USO1: variants seen among roughly 807,000 people sequenced by gnomAD.
The protein encoded by USO1 is USO1 vesicle transport factor.
A neutral mutation model predicts 124.5 loss-of-function variants in USO1; 57 were observed. That is an observed-to-expected ratio of 0.46 (90% CI 0.37 to 0.57). The LOEUF (loss-of-function observed/expected upper bound fraction) is 0.57, where lower values mean the gene tolerates loss of function less well. Among genes scored for constraint, USO1 ranks in the 20% least tolerant of loss-of-function variants. The pLI is 0.00. For missense variants in USO1, 900 were observed against 1,040.6 expected, an observed-to-expected ratio of 0.86 and a Z score of 1.86; for synonymous variants, 369 against 362.8, an observed-to-expected ratio of 1.02 and a Z score of -0.19.
intron 1 of USO1, among the ~76,000 whole-genome samples, chr4:75,736,913 A>G (rs1182258048): frequency 6.6e-6 from 1 of 152,148 alleles, no homozygotes; most frequent in Admixed American, 6.6e-5. Context: ...ACTTTTGTTA[A>G]TATATAGTAT....
chr4:75,724,639 G>A lies in USO1; in HGVS notation c.-181G>A, dbSNP rs557440558. The A allele has an allele frequency of 4.3e-5, 26 of 604,452 alleles. No homozygotes were observed. In the South Asian group the frequency reaches 4.7e-4, roughly 11 times the overall value. 37.4% of individuals were successfully genotyped at this position (604,452 alleles called of 1,614,324 possible). A position where few individuals can be genotyped will look rare whatever the true frequency, so the allele number is the denominator to read the frequency against. ...CACGTCCCCGCGCATGCGCATCTTG[G>A]CCGCTGCTGGCGGCTGTTTCCGGGC... is the stretch of plus-strand genomic sequence containing the variant. On this transcript the variant is annotated 5_prime_UTR_variant, in exon 1 of 24. The change creates a premature stop within an existing upstream ORF in the 5' untranslated region. Coordinates refer to ENST00000514213, the MANE Select transcript of USO1 (RefSeq NM_003715.4).
chr4:75,779,618 G>A (rs1271043672), intron 8 of USO1, among the ~76,000 whole-genome samples: 1 of 152,182 alleles, frequency 6.6e-6, no homozygotes, highest in Non-Finnish European at 1.5e-5. Context: ...CTTCAATTCT[G>A]TGAAGACTGA....
rs558206268 is a variant in USO1, at chr4:75,732,989, G to A, written c.66+8104G>A. Among the ~76,000 whole-genome samples the A allele has an allele frequency of 6.5e-4, 96 of 148,798 alleles. 1 individual carries two copies. Among genetic ancestry groups the A allele is most frequent in the Non-Finnish European group, 8.5e-4 (57 of 67,190 alleles). On this transcript the variant is annotated intron_variant, in intron 1 of 23. Transcript: ENST00000514213. The stretch of plus-strand genomic sequence containing the variant: ...AAATCACGTCTGTAGGGCCGGGTGC[G>A]GTGGCTCATGCCTATAATCTTAGCA...
In USO1 at chr4:75,800,483, AGATGGT is replaced by A; in HGVS notation, c.1682+15_1682+20del. The A allele has an allele frequency of 1.3e-6, 2 of 1,567,356 alleles. No homozygotes were observed. The highest frequency in any genetic ancestry group is 1.7e-6 in the Non-Finnish European group (2 of 1,159,624). On this transcript the variant is annotated intron_variant, in intron 15 of 23. Coordinates refer to ENST00000514213, the MANE Select transcript of USO1 (RefSeq NM_003715.4). ...GAGCTACATGAAGTAAGTAAGGGGA[AGATGGT>A]TTTCTAATGGCATCAAGAGATAATG...
intron 17 of USO1, among the ~76,000 whole-genome samples, chr4:75,802,333 T>C (rs1235186381): frequency 2.0e-5 from 3 of 152,164 alleles, no homozygotes; most frequent in African/African-American, 7.2e-5. Flanking sequence ...TGTAATAATA[T>C]CTTTGGAACA....
At chr4:75,807,425 GACTA>G (rs745921314) in intron 20 of USO1, among the ~76,000 whole-genome samples, 3 of 150,488 alleles carry the variant, frequency 2.0e-5, no homozygotes, top group Non-Finnish European at 4.4e-5. Flanking sequence ...ACTAACCTAG[GACTA>G]ACTGTCTTCC....
chr4:75,774,529 A>G, intron 7 of USO1, 147 bp from the exon 8 acceptor site: 9 of 922,110 alleles, frequency 9.8e-6, no homozygotes, highest in South Asian at 6.0e-5. Flanking sequence ...TTGCTTAACT[A>G]TTCTGTTCTT....
intron 3 of USO1, among the ~76,000 whole-genome samples, chr4:75,754,615 T>A (rs1721386196): frequency 6.6e-6 from 1 of 152,212 alleles, no homozygotes; most frequent in South Asian, 2.1e-4. Context: ...CGACCACTTT[T>A]ACCCTAAGTT....
intron 4 of USO1, among the ~76,000 whole-genome samples, chr4:75,767,067 TC>T (rs971906819): frequency 6.6e-6 from 1 of 152,236 alleles, no homozygotes; most frequent in Non-Finnish European, 1.5e-5. Context: ...CTGCGAAGTC[TC>T]CTGGCTTTCT....
chr4:75,735,668 A>G (rs555705852), intron 1 of USO1, among the ~76,000 whole-genome samples: 156 of 152,168 alleles, frequency 1.0e-3, no homozygotes, highest in African/African-American at 3.6e-3. Context: ...CTACAGGTAC[A>G]AGGCACCACG....
intron 10 of USO1, among the ~76,000 whole-genome samples, chr4:75,788,564 TGG>T (rs1217906619): frequency 6.8e-6 from 1 of 147,420 alleles, no homozygotes; most frequent in Non-Finnish European, 1.5e-5. Flanking sequence ...TTTTTTGAGA[TGG>T]AGTTTCGCTC....
At chr4:75,761,011 G>A (rs897189775) in intron 4 of USO1, among the ~76,000 whole-genome samples, 2 of 152,102 alleles carry the variant, frequency 1.3e-5, no homozygotes, top group African/African-American at 4.8e-5. Context: ...GCCAGGTGTG[G>A]TGGCTGGTGC....
chr4:75,812,423 A>G, intron 23 of USO1, 48 bp downstream of exon 23: 2 of 1,515,356 alleles, frequency 1.3e-6, no homozygotes, highest in Middle Eastern at 2.3e-4. Context: ...GTTTTAGTAT[A>G]ATGCATTTAA....
At chr4:75,724,991 G>T in intron 1 of USO1, 106 bp downstream of exon 1, 1 of 1,220,588 alleles carries the variant, frequency 8.2e-7, no homozygotes, top group Non-Finnish European at 1.2e-6. Context: ...CATGGAGGGG[G>T]CATCCACATG....
intron 7 of USO1, 92 bp from the exon 8 acceptor site, chr4:75,774,584 C>T: frequency 2.8e-6 from 4 of 1,450,720 alleles, no homozygotes; most frequent in Non-Finnish European, 2.8e-6. Context: ...TGCAAAATCT[C>T]TGCCAGTTCT....
intron 21 of USO1, 66 bp from the exon 22 acceptor site, chr4:75,810,366 C>T (rs1723110440): frequency 6.8e-7 from 1 of 1,474,424 alleles, no homozygotes; most frequent in Admixed American, 2.7e-5. Flanking sequence ...AATTAAATAA[C>T]CCTTTGGGAG....
At chr4:75,731,522 A>C (rs1720630862) in intron 1 of USO1, among the ~76,000 whole-genome samples, 1 of 151,728 alleles carries the variant, frequency 6.6e-6, no homozygotes, top group Non-Finnish European at 1.5e-5. Flanking sequence ...AGATCGCACC[A>C]CTGCACTCTA....
In USO1 at chr4:75,804,158, C is replaced by T; in HGVS notation, c.2011C>T (p.Gln671Ter). 1 of 1,613,268 alleles carries T rather than the reference C, an allele frequency of 6.2e-7. No homozygotes were observed. Among genetic ancestry groups the T allele is most frequent in the Non-Finnish European group, 8.5e-7 (1 of 1,179,622 alleles). The stretch of plus-strand genomic sequence containing the variant: ...GGATCTCCAACTTGAGGAATTAAGG[C>T]AGCAGGTTTCTACATTAAAATGTCA... ...EQDLQLEELR[Q>*]QVSTLKCQNE... The change falls in exon 18 of 24, where the codon CAG becomes TAG. Residue 671 changes from glutamine (Q) to a stop codon, truncating the protein, a stop_gained. Coordinates refer to ENST00000514213, the MANE Select transcript of USO1 (RefSeq NM_003715.4). LOFTEE classifies it high-confidence loss of function.
rs139585951 is a variant in USO1, at chr4:75,735,924, A to G, written c.66+11039A>G. Among the ~76,000 whole-genome samples, 527 of 152,210 alleles carry G rather than the reference A, an allele frequency of 3.5e-3. 1 individual carries two copies. The highest frequency in any genetic ancestry group is 0.012 in the African/African-American group (479 of 41,524). ...GCAATGAATATAAATAAATAGCCCT[A>G]TTGGCTAGCAAAAAATGTTTTTTTT... On this transcript the variant is annotated intron_variant, in intron 1 of 23. Coordinates refer to ENST00000514213, the MANE Select transcript of USO1 (RefSeq NM_003715.4).
Sources: allele counts gnomAD v4.1 joint callset (sites outside exome capture counted in the v4.1 genomes callset), GRCh38; gene constraint gnomAD v4.1.1; transcripts MANE v1.5; gene names NCBI Gene and HGNC (gene_info 2026-07-23, HGNC 2026-07-21).